The following RBM44 variants were observed in gnomAD, a reference collection of about 807,000 sequenced individuals.
RBM44 encodes the protein RNA binding motif protein 44.
Under a neutral mutation model 105.1 loss-of-function variants are expected in RBM44, and 66 were observed. That is an observed-to-expected ratio of 0.63 (90% confidence interval 0.52 to 0.77). The LOEUF (loss-of-function observed/expected upper bound fraction) is 0.77. Ranked by LOEUF, RBM44 falls within the 30% of genes least tolerant of loss-of-function variation. RBM44 has a pLI of 0.00. For synonymous variants in RBM44, 365 were observed against 417.6 expected (o/e 0.87, Z 1.54); for missense variants, 1,122 against 1,207.8 (o/e 0.93, Z 1.05).
Position 237,803,573 on chromosome 2 carries a change from T to C in RBM44, c.-19+4712T>C, listed in dbSNP as rs1025932971. Among the ~76,000 whole-genome samples, 7 of 152,246 alleles carry C rather than the reference T, an allele frequency of 4.6e-5. No individual in the cohort carries two copies. Among genetic ancestry groups the C allele is most frequent in the Non-Finnish European group, 1.0e-4 (7 of 68,040 alleles). On this transcript the variant is annotated intron_variant, in intron 1 of 15. Coordinates refer to ENST00000316997, the MANE Select transcript of RBM44 (RefSeq NM_001080504.3). The surrounding 1 kb of genome is among the most constrained non-coding windows in gnomAD (Gnocchi z 4.2). Reference sequence around the variant, plus strand: ...ATTGTGAATACTTTATTCCAGTCTTTGGCTTGTGTTTCCATTTTTTAAGTA... The same window carrying C: ...ATTGTGAATACTTTATTCCAGTCTTCGGCTTGTGTTTCCATTTTTTAAGTA...
chr2:237,809,234 T>C (rs1418188892), intron 1 of RBM44, among the ~76,000 whole-genome samples: 3 of 152,228 alleles, frequency 2.0e-5, no homozygotes, highest in Admixed American at 2.0e-4. Flanking sequence ...ATACTTTTCT[T>C]TTGGTATATT....
intron 1 of RBM44, among the ~76,000 whole-genome samples, chr2:237,809,961 T>C (rs190027461): frequency 5.9e-4 from 90 of 152,286 alleles, no homozygotes; most frequent in African/African-American, 2.0e-3. Flanking sequence ...AAAACCTTTT[T>C]GACTGAAGAA....
rs1227037919 is a variant in RBM44, at chr2:237,818,874, A to G, written c.1678-27A>G. 7 of 1,262,918 alleles carry G rather than the reference A, an allele frequency of 5.5e-6. No individual in the cohort carries two copies. The African/African-American group carries it at 6.0e-5, about 11-fold the overall frequency. 78.2% of individuals were successfully genotyped at this position (1,262,918 alleles called of 1,614,324 possible). A position where few individuals can be genotyped will look rare whatever the true frequency, so the allele number is the denominator to read the frequency against. The stretch of plus-strand genomic sequence containing the variant: ...TTGGAATTTCAGATATAACTTTTTT[A>G]AATTTAATTTTAAATCATATTTTCA... On this transcript the variant is annotated intron_variant, in intron 3 of 15. Transcript: ENST00000316997. The surrounding 1 kb of genome is among the most constrained non-coding windows in gnomAD (Gnocchi z 4.6).
At chr2:237,837,522 G>A (rs975795285) in intron 15 of RBM44, among the ~76,000 whole-genome samples, 1 of 152,190 alleles carries the variant, frequency 6.6e-6, no homozygotes, top group Non-Finnish European at 1.5e-5. Flanking sequence ...CTTCAGTGGA[G>A]GAAGTAACTG....
chr2:237,840,624 C>T (rs1367674911), intron 15 of RBM44, among the ~76,000 whole-genome samples: 2 of 152,080 alleles, frequency 1.3e-5, no homozygotes, highest in African/African-American at 4.8e-5. Context: ...AAACTATCAA[C>T]AGAGTAAACA....
Position 237,834,098 on chromosome 2 carries a change from C to G in RBM44, c.2988C>G (p.Thr996=). 6.3e-7 allele frequency: 1 copy of G among 1,581,772 alleles called. No individual in the cohort carries two copies. The highest frequency in any genetic ancestry group is 8.6e-7 in the Non-Finnish European group (1 of 1,161,880). ...ATACATTGAACCTTCGTAGCTTTAC[C>G]AAGATCATAAAGAGACTGGCTGAAC... ...PPNTLNLRSF[T]KIIKRLAELH... The change falls in exon 14 of 16, where the codon ACC becomes ACG. Residue 996 remains threonine (T), a synonymous_variant. Transcript: ENST00000316997.
chr2:237,821,650 T>G (rs530451473), intron 7 of RBM44, 93 bp from the exon 8 acceptor site: 25 of 886,386 alleles, frequency 2.8e-5, no homozygotes, highest in Non-Finnish European at 4.5e-5. Flanking sequence ...TCCTCTCTTT[T>G]AGCTACTTTG....
chr2:237,837,448 C>T (rs1471149364), intron 15 of RBM44, among the ~76,000 whole-genome samples: 1 of 151,988 alleles, frequency 6.6e-6, no homozygotes, highest in Non-Finnish European at 1.5e-5. Context: ...GTAAAAATAT[C>T]AATATTCACA....
chr2:237,801,011 G>A (rs147307236), intron 1 of RBM44, among the ~76,000 whole-genome samples: 192 of 152,192 alleles, frequency 1.3e-3, no homozygotes, highest in African/African-American at 4.1e-3. Flanking sequence ...GAGCTACTGC[G>A]CCCAGCTGGG....
chr2:237,806,159 G>A (rs2061597754), intron 1 of RBM44, among the ~76,000 whole-genome samples: 1 of 152,124 alleles, frequency 6.6e-6, no homozygotes, highest in Admixed American at 6.5e-5. Context: ...GGCAGATAAA[G>A]TTGTTTATTA....
chr2:237,824,343 C>T lies in RBM44; in HGVS notation c.2373C>T (p.Ser791=). 6.2e-7 allele frequency: 1 copy of T among 1,612,578 alleles called. No homozygotes were observed. Among genetic ancestry groups the T allele is most frequent in the South Asian group, 1.1e-5 (1 of 91,002 alleles). The stretch of plus-strand genomic sequence containing the variant: ...AAGACTGGTCTGATGCTAAAGAGAG[C>T]CTGACAGGAGTTGACGTCTCAGGGA... ...TSEDWSDAKE[S]LTGVDVSGTQ... is the part of the protein sequence containing the mutation. Residue 791 remains serine, a synonymous_variant, in exon 10 of 16, where the codon AGC becomes AGT. Transcript: ENST00000316997.
At chr2:237,827,649 A>G (rs2061861612) in intron 12 of RBM44, 146 bp downstream of exon 12, 2 of 609,910 alleles carry the variant, frequency 3.3e-6, no homozygotes, top group African/African-American at 3.7e-5. Context: ...CATAGGGACA[A>G]ATAGCTGCAA....
intron 1 of RBM44, among the ~76,000 whole-genome samples, chr2:237,808,836 G>A (rs2061626076): frequency 1.3e-5 from 2 of 152,124 alleles, no homozygotes; most frequent in Admixed American, 6.5e-5. Context: ...ATATTAAAAC[G>A]CTATACTTTT....
chr2:237,829,457 G>A lies in RBM44; in HGVS notation c.2841G>A (p.Arg947=), dbSNP rs1370279172. The A allele has an allele frequency of 3.1e-6, 5 of 1,613,648 alleles. No individual in the cohort carries two copies. The African/African-American group carries it at 6.7e-5, about 22-fold the overall frequency. ...CTAGATTGCCCAGAACTAGGCCACG[G>A]CAGCTGGGTTCTGAGCAAGACAGTG... ...SISRLPRTRP[R]QLGSEQDSEV... The change falls in exon 13 of 16, where the codon CGG becomes CGA. Residue 947 remains arginine, a synonymous_variant. Transcript: ENST00000316997.
intron 1 of RBM44, among the ~76,000 whole-genome samples, chr2:237,801,180 G>C (rs1482494606): frequency 2.0e-5 from 3 of 152,120 alleles, no homozygotes; most frequent in African/African-American, 7.2e-5. Flanking sequence ...AAGTTATCCA[G>C]GCATGGTGGT....
At chr2:237,831,091 T>G (rs1384983898) in intron 13 of RBM44, among the ~76,000 whole-genome samples, 1 of 152,028 alleles carries the variant, frequency 6.6e-6, no homozygotes, top group Non-Finnish European at 1.5e-5. Flanking sequence ...CCTGGAGTTA[T>G]CCCATTCCTT....
Position 237,817,252 on chromosome 2 carries a change from A to G in RBM44, c.333A>G (p.Thr111=), listed in dbSNP as rs2061728576. The part of the protein sequence containing the change: ...DSTDYAFLNK[T]YSIPYSESKL... ...CTGACTATGCTTTCTTGAATAAAAC[A>G]TATTCTATACCTTATTCAGAGTCAA... is the stretch of plus-strand genomic sequence containing the variant. Residue 111 remains threonine (T), a synonymous_variant, in exon 3 of 16, where the codon ACA becomes ACG. Transcript: ENST00000316997. The G allele has an allele frequency of 5.0e-6, 8 of 1,605,660 alleles. No homozygotes were observed. Among genetic ancestry groups the G allele is most frequent in the South Asian group, 1.1e-5 (1 of 90,204 alleles).
chr2:237,839,922 G>GGGT (rs1166359185), intron 15 of RBM44, among the ~76,000 whole-genome samples: 19 of 152,092 alleles, frequency 1.2e-4, no homozygotes. Context: ...GCTGGGGAGG[G>GGGT]GGTGGCTCAC....
chr2:237,802,988 C>G (rs1435613395), intron 1 of RBM44, among the ~76,000 whole-genome samples: 1 of 152,174 alleles, frequency 6.6e-6, no homozygotes, highest in Non-Finnish European at 1.5e-5. Context: ...CCATTTTGGC[C>G]AGGTGCACTG....
Sources: allele counts gnomAD v4.1 joint callset (sites outside exome capture counted in the v4.1 genomes callset), GRCh38; gene constraint gnomAD v4.1.1; non-coding constraint Gnocchi (gnomAD v3.1); transcripts MANE v1.5; gene names NCBI Gene and HGNC (gene_info 2026-07-23, HGNC 2026-07-21).